The following AUTS2 variants were observed in gnomAD, a reference collection of about 807,000 sequenced individuals.
AUTS2 encodes autism susceptibility gene 2 protein.
Under a neutral mutation model 112.4 loss-of-function variants are expected in AUTS2, and 17 were observed. That is an observed-to-expected ratio of 0.15 (90% CI 0.10 to 0.23). The LOEUF (loss-of-function observed/expected upper bound fraction) is 0.23, where lower values mean the gene tolerates loss of function less well. Among genes scored for constraint, AUTS2 ranks in the 10% least tolerant of loss-of-function variants. The probability of loss-of-function intolerance (pLI) is 1.00; values close to 1 mark genes in which losing one functional copy is unlikely to be tolerated. For missense variants in AUTS2, 1,510 were observed against 1,701.6 expected, an observed-to-expected ratio of 0.89 and a Z score of 1.98; for synonymous variants, 751 against 702.7, an observed-to-expected ratio of 1.07 and a Z score of -1.09.
intron 4 of AUTS2, among the ~76,000 whole-genome samples, chr7:70,184,697 C>A (rs6975279): frequency 0.32 from 49,280 of 151,960 alleles, 8,679 homozygotes; most frequent in African/African-American, 0.47. Flanking sequence ...AAGGATGTCT[C>A]AAACCAAATA....
chr7:70,331,129 G>A (rs1287868243), intron 4 of AUTS2, among the ~76,000 whole-genome samples: 1 of 152,068 alleles, frequency 6.6e-6, no homozygotes, highest in Admixed American at 6.5e-5. Flanking sequence ...GATGGTACCA[G>A]CTCCTCTTTG....
intron 8 of AUTS2, among the ~76,000 whole-genome samples, chr7:70,765,645 C>T (rs1000036076): frequency 1.3e-5 from 2 of 152,196 alleles, no homozygotes; most frequent in East Asian, 3.8e-4. Context: ...CGAGCCCTGC[C>T]GTGTGAACAG....
intron 1 of AUTS2, among the ~76,000 whole-genome samples, chr7:69,814,311 C>T (rs1790666511): frequency 6.6e-6 from 1 of 152,184 alleles, no homozygotes; most frequent in South Asian, 2.1e-4. Context: ...CCCACTAGTT[C>T]CCCTGGGTTT....
At chr7:70,497,073 TCACA>T (rs1379449365) in intron 5 of AUTS2, among the ~76,000 whole-genome samples, 3 of 68,894 alleles carry the variant, frequency 4.4e-5, no homozygotes, top group East Asian at 3.7e-4. Flanking sequence ...CACATCCCAC[TCACA>T]CACACCACGT....
chr7:70,300,458 C>A (rs1188952853), intron 4 of AUTS2, among the ~76,000 whole-genome samples: 2 of 152,116 alleles, frequency 1.3e-5, no homozygotes, highest in Admixed American at 1.3e-4. Flanking sequence ...AGTGTGCCTA[C>A]CTGCAGGTTT....
chr7:69,688,367 A>G (rs554005685), intron 1 of AUTS2, among the ~76,000 whole-genome samples: 1 of 152,358 alleles, frequency 6.6e-6, no homozygotes, highest in African/African-American at 2.4e-5. Flanking sequence ...GTTGCACCTT[A>G]GATTCACATT....
intron 10 of AUTS2, chr7:70,771,119 A>G (rs1463303027): frequency 6.5e-6 from 1 of 153,340 alleles, no homozygotes; most frequent in South Asian, 2.1e-4. Flanking sequence ...CCTGGCACTC[A>G]TGAAGACTTC....
At chr7:69,688,399 C>G (rs1162636538) in intron 1 of AUTS2, among the ~76,000 whole-genome samples, 2 of 152,174 alleles carry the variant, frequency 1.3e-5, no homozygotes, top group African/African-American at 4.8e-5. Context: ...TTATTTTGTA[C>G]TTGGAAATTT....
intron 2 of AUTS2, among the ~76,000 whole-genome samples, chr7:70,107,602 A>G (rs1206812196): frequency 1.3e-5 from 2 of 148,824 alleles, no homozygotes; most frequent in Non-Finnish European, 3.0e-5. Flanking sequence ...TCGGCCTCCC[A>G]AAGTGCTGGG....
chr7:69,921,253 A>G (rs1433042554), intron 2 of AUTS2, among the ~76,000 whole-genome samples: 1 of 152,126 alleles, frequency 6.6e-6, no homozygotes, highest in Non-Finnish European at 1.5e-5. Context: ...ATGAAGGACA[A>G]AATTTCCAAA....
chr7:70,748,854 T>C (rs1788625519), intron 6 of AUTS2, among the ~76,000 whole-genome samples: 1 of 152,230 alleles, frequency 6.6e-6, no homozygotes, highest in Admixed American at 6.5e-5. Context: ...AATTTTCTTC[T>C]GCAATATGCA....
At chr7:70,542,830 A>G (rs545970335) in intron 5 of AUTS2, among the ~76,000 whole-genome samples, 32 of 152,306 alleles carry the variant, frequency 2.1e-4, no homozygotes, top group African/African-American at 7.7e-4. Context: ...AGCTGACTTC[A>G]GATTTCTTTT....
chr7:70,606,869 A>G (rs1337183609), intron 5 of AUTS2, among the ~76,000 whole-genome samples: 2 of 151,970 alleles, frequency 1.3e-5, no homozygotes, highest in Non-Finnish European at 2.9e-5. Context: ...TCAAGAAAAA[A>G]AAAAAAAAAA....
intron 4 of AUTS2, among the ~76,000 whole-genome samples, chr7:70,430,059 C>T (rs1322058821): frequency 6.6e-6 from 1 of 152,160 alleles, no homozygotes; most frequent in Non-Finnish European, 1.5e-5. Context: ...AGTCATTATC[C>T]TCTTGTAATG....
At chr7:70,680,053 A>G (rs1382415275) in intron 5 of AUTS2, among the ~76,000 whole-genome samples, 9 of 152,216 alleles carry the variant, frequency 5.9e-5, no homozygotes, top group Non-Finnish European at 8.8e-5. Flanking sequence ...GAAGGATTAA[A>G]TGCAGACCAT....
chr7:70,305,759 G>A lies in AUTS2; in HGVS notation c.661-129993G>A, dbSNP rs112631543. Among the ~76,000 whole-genome samples the A allele has an allele frequency of 2.7e-4, 41 of 152,266 alleles. 2 individuals are homozygous for A. Among genetic ancestry groups the A allele is most frequent in the African/African-American group, 9.1e-4 (38 of 41,558 alleles). ...TTTAAACAGTGTATGTTGACATAGAGCAAGTTTCTAATTTTCCATCATTTC... is the reference window on the plus strand; with the variant it reads ...TTTAAACAGTGTATGTTGACATAGAACAAGTTTCTAATTTTCCATCATTTC... On this transcript the variant is annotated intron_variant, in intron 4 of 18. Transcript: ENST00000342771.
chr7:70,742,583 A>G (rs1276428646), intron 6 of AUTS2, among the ~76,000 whole-genome samples: 1 of 152,056 alleles, frequency 6.6e-6, no homozygotes, highest in African/African-American at 2.4e-5. Flanking sequence ...ACCAACATGG[A>G]GAAACCCCAT....
At chr7:70,734,177 C>A (rs552394997) in intron 6 of AUTS2, among the ~76,000 whole-genome samples, 3 of 151,946 alleles carry the variant, frequency 2.0e-5, no homozygotes, top group Non-Finnish European at 4.4e-5. Flanking sequence ...TGGTGGCTCA[C>A]GCCTGTAATC....
chr7:69,902,919 G>C (rs1404688490), intron 2 of AUTS2, among the ~76,000 whole-genome samples: 1 of 152,096 alleles, frequency 6.6e-6, no homozygotes, highest in Admixed American at 6.6e-5. Context: ...TGCACTTTTT[G>C]ATATGAGAAA....
Sources: gnomAD v4.1 joint callset for allele counts (sites outside exome capture counted in the v4.1 genomes callset) on GRCh38, gnomAD v4.1.1 for gene constraint, MANE v1.5 for transcripts, NCBI Gene and HGNC (gene_info 2026-07-23, HGNC 2026-07-21) for gene names.